RANBP10: variants seen among roughly 807,000 people sequenced by gnomAD.
RANBP10 encodes ran-binding protein 10.
In RANBP10, 24 loss-of-function variants were observed where a neutral mutation model predicts 72.8. That is an observed-to-expected ratio of 0.33 (90% CI 0.24 to 0.46). RANBP10 has a LOEUF of 0.46. Among genes scored for constraint, RANBP10 ranks in the 20% least tolerant of loss-of-function variants. The pLI is 1.00. For missense variants in RANBP10, 679 were observed against 817.5 expected (o/e 0.83, Z 2.07); for synonymous variants, 310 against 322.3 (o/e 0.96, Z 0.41).
At chr16:67,770,090 T>C (rs1418949026) in intron 3 of RANBP10, among the ~76,000 whole-genome samples, 2 of 152,010 alleles carry the variant, frequency 1.3e-5, no homozygotes, top group Non-Finnish European at 2.9e-5. Flanking sequence ...AAAAAGCTCA[T>C]AAAAGTCTCT....
chr16:67,770,635 T>C (rs571783469), intron 3 of RANBP10, among the ~76,000 whole-genome samples: 1 of 152,300 alleles, frequency 6.6e-6, no homozygotes, highest in South Asian at 2.1e-4. Flanking sequence ...TTCTGCTGAT[T>C]CAAGGGACCA....
At chr16:67,741,331 T>C (rs1041455155) in intron 4 of RANBP10, among the ~76,000 whole-genome samples, 3 of 151,996 alleles carry the variant, frequency 2.0e-5, no homozygotes, top group Non-Finnish European at 4.4e-5. Flanking sequence ...TCCAGGAGAA[T>C]GAGGAAAGAC....
rs534581398 is a variant in RANBP10, at chr16:67,791,755, C to T, written c.347+13673G>A. 5.9e-5 allele frequency among the ~76,000 whole-genome samples: 9 copies of T among 152,260 alleles called. No homozygotes were observed. In the South Asian group the frequency reaches 1.7e-3, roughly 28 times the overall value. Reference sequence around the variant, plus strand: ...CAACAGCCTCTACATCAAAGGGGAACTCTGGGACCTCAGTTACAAAATGAT... The same window carrying T: ...CAACAGCCTCTACATCAAAGGGGAATTCTGGGACCTCAGTTACAAAATGAT... On this transcript the variant is annotated intron_variant, in intron 2 of 13. Coordinates refer to ENST00000317506, the MANE Select transcript of RANBP10 (RefSeq NM_020850.3).
At chr16:67,750,767 T>C (rs1471597255) in intron 3 of RANBP10, among the ~76,000 whole-genome samples, 2 of 144,116 alleles carry the variant, frequency 1.4e-5, no homozygotes, top group Non-Finnish European at 3.0e-5. Flanking sequence ...CTTTCTTTTT[T>C]TTTTTTTTTT....
Position 67,728,615 on chromosome 16 carries a change from G to C in RANBP10, c.1353-104C>G, listed in dbSNP as rs370989450. ...AGCCATGGGTTGCTGTGGGTGAACCGAGGACCCCCAGGAACATGAAAGGAC... is the reference window on the plus strand; with the variant it reads ...AGCCATGGGTTGCTGTGGGTGAACCCAGGACCCCCAGGAACATGAAAGGAC... On this transcript the variant is annotated intron_variant, in intron 10 of 13. Coordinates refer to ENST00000317506, the MANE Select transcript of RANBP10 (RefSeq NM_020850.3). 1,710 of 1,584,318 alleles carry C rather than the reference G, an allele frequency of 1.1e-3. 19 individuals are homozygous for C. Among genetic ancestry groups the C allele is most frequent in the Middle Eastern group, 3.4e-3 (19 of 5,582 alleles).
chr16:67,763,586 C>T (rs1024045394), intron 3 of RANBP10: 1 of 152,426 alleles, frequency 6.6e-6, no homozygotes, highest in African/African-American at 2.4e-5. Context: ...TTCTCAGGGT[C>T]TGGCAAAGCA....
chr16:67,771,410 A>G (rs532601382), intron 3 of RANBP10, among the ~76,000 whole-genome samples: 59 of 151,932 alleles, frequency 3.9e-4, no homozygotes, highest in African/African-American at 1.3e-3. Flanking sequence ...CAGTGGCGCA[A>G]TCTCAGCTCA....
chr16:67,784,350 T>C (rs56219053), intron 2 of RANBP10, among the ~76,000 whole-genome samples: 45,247 of 151,806 alleles, frequency 0.3, 10,121 homozygotes, highest in African/African-American at 0.63. Flanking sequence ...GGTGAAACCC[T>C]ATCTCTACTA....
intron 2 of RANBP10, among the ~76,000 whole-genome samples, chr16:67,799,097 G>A (rs1236106650): frequency 2.0e-5 from 3 of 151,160 alleles, no homozygotes; most frequent in African/African-American, 4.9e-5. Flanking sequence ...ATTAGCGCCT[G>A]GCTAATTTTT....
intron 6 of RANBP10, among the ~76,000 whole-genome samples, chr16:67,734,359 G>T (rs2053795932): frequency 6.6e-6 from 1 of 152,208 alleles, no homozygotes; most frequent in African/African-American, 2.4e-5. Flanking sequence ...AGGACAGTCT[G>T]GGAATTAATC....
chr16:67,805,279 A>C, intron 2 of RANBP10, 149 bp downstream of exon 2: 1 of 612,096 alleles, frequency 1.6e-6, no homozygotes, highest in Non-Finnish European at 2.8e-6. Flanking sequence ...CTTAGACCAG[A>C]CCATGCCCAC....
rs760050214 is a variant in RANBP10 at position 67,744,460 on chromosome 16, G to A, written c.401-5C>T. Reference sequence around the variant, plus strand: ...CATAGGAATGTTTGTCCCAACCTGTGGGGGAAGAGAGCAGCAATAACTGAG... The same window carrying A: ...CATAGGAATGTTTGTCCCAACCTGTAGGGGAAGAGAGCAGCAATAACTGAG... On this transcript the variant is annotated splice_polypyrimidine_tract_variant and splice_region_variant and intron_variant, in intron 3 of 13. Transcript: ENST00000317506. 1 of 1,610,798 alleles carries A rather than the reference G, an allele frequency of 6.2e-7. No homozygotes were observed. Among genetic ancestry groups the A allele is most frequent in the East Asian group, 2.2e-5 (1 of 44,802 alleles).
chr16:67,751,046 G>A (rs965475803), intron 3 of RANBP10, among the ~76,000 whole-genome samples: 5 of 152,064 alleles, frequency 3.3e-5, no homozygotes, highest in African/African-American at 7.2e-5. Flanking sequence ...GATTACAGGC[G>A]TGAGCCACCA....
intron 3 of RANBP10, among the ~76,000 whole-genome samples, chr16:67,757,382 T>A (rs1213669312): frequency 6.6e-6 from 1 of 152,266 alleles, no homozygotes; most frequent in Non-Finnish European, 1.5e-5. Flanking sequence ...GGGGAAGCAA[T>A]CTAACCCTTG....
chr16:67,749,860 T>A (rs557992941), intron 3 of RANBP10, among the ~76,000 whole-genome samples: 1 of 151,984 alleles, frequency 6.6e-6, no homozygotes, highest in Non-Finnish European at 1.5e-5. Flanking sequence ...AAAGTGAAAA[T>A]CATCCCTCCA....
chr16:67,744,614 T>C (rs894383227), intron 3 of RANBP10, among the ~76,000 whole-genome samples, 159 bp from the exon 4 acceptor site: 1 of 152,176 alleles, frequency 6.6e-6, no homozygotes, highest in African/African-American at 2.4e-5. Context: ...AGAGTCTGGC[T>C]GTGAGTCCAG....
At chr16:67,803,988 C>G (rs1367208039) in intron 2 of RANBP10, among the ~76,000 whole-genome samples, 1 of 151,988 alleles carries the variant, frequency 6.6e-6, no homozygotes, top group Admixed American at 6.6e-5. Flanking sequence ...AACATCTACC[C>G]AAGACCACAG....
intron 2 of RANBP10, among the ~76,000 whole-genome samples, chr16:67,782,728 C>T (rs2054836108): frequency 2.0e-5 from 3 of 151,556 alleles, no homozygotes; most frequent in Non-Finnish European, 2.9e-5. Context: ...GCTGGGATTA[C>T]AGGCATAAGC....
chr16:67,762,333 A>G (rs2054413179), intron 3 of RANBP10: 1 of 152,212 alleles, frequency 6.6e-6, no homozygotes, highest in Admixed American at 6.5e-5. Context: ...TAAGCATGTT[A>G]CAGGAATTAA....
Sources: gnomAD v4.1 joint callset for allele counts (sites outside exome capture counted in the v4.1 genomes callset) on GRCh38, gnomAD v4.1.1 for gene constraint, MANE v1.5 for transcripts, NCBI Gene and HGNC (gene_info 2026-07-23, HGNC 2026-07-21) for gene names.